The following ECSIT variants were observed in gnomAD, a reference collection of about 807,000 sequenced individuals.
ECSIT encodes the protein evolutionarily conserved signaling intermediate in Toll pathway, mitochondrial.
ECSIT carries 29 observed loss-of-function variants against 36.8 expected under a neutral mutation model. The ratio of observed to expected loss-of-function variants is 0.79; its 90% CI spans 0.59 to 1.08. The LOEUF (loss-of-function observed/expected upper bound fraction) is 1.08. ECSIT is among the 50% of genes least tolerant of loss of function. The pLI is 0.00. For synonymous variants in ECSIT, 231 were observed against 234.8 expected, an observed-to-expected ratio of 0.98 and a Z score of 0.15; for missense variants, 542 against 581.0, an observed-to-expected ratio of 0.93 and a Z score of 0.69.
rs140816082 is a variant in ECSIT, at chr19:11,506,220, G to A, written c.1260C>T (p.Asp420=). The A allele has an allele frequency of 1.0e-5, 16 of 1,607,976 alleles. No individual in the cohort carries two copies. The Middle Eastern group carries it at 8.2e-4, about 83-fold the overall frequency. The change falls in exon 8 of 8, where the codon GAC becomes GAT. Residue 420 remains aspartate, a synonymous_variant. Coordinates refer to ENST00000270517, the MANE Select transcript of ECSIT (RefSeq NM_016581.5). ...CCTGCTGCTGTCGCTGCAGGTTGTC[G>A]TCTTCTTCCTGGTGGTCCTCGGGCA... ...PPLPEDHQEE[D]DNLQRQQQGQ...
intron 4 of ECSIT, among the ~76,000 whole-genome samples, chr19:11,508,556 T>G (rs1400185428): frequency 6.6e-6 from 1 of 151,960 alleles, no homozygotes; most frequent in African/African-American, 2.4e-5. Context: ...TGGCTAATTT[T>G]ATTTTTTTAA....
intron 2 of ECSIT, among the ~76,000 whole-genome samples, chr19:11,516,648 A>G (rs1346661862): frequency 6.6e-6 from 1 of 151,102 alleles, no homozygotes; most frequent in Admixed American, 6.6e-5. Flanking sequence ...GTAAAACCTT[A>G]TCTCTAAAAA....
Position 11,513,093 on chromosome 19 carries a change from A to G in ECSIT, c.701T>C (p.Met234Thr), listed in dbSNP as rs1486737247. Residue 234 changes from methionine (M) to threonine (T), a missense_variant, in exon 4 of 8, where the codon ATG (methionine) becomes ACG (threonine). Met to Thr is a moderately conservative substitution (Grantham distance 81). Coordinates refer to ENST00000270517, the MANE Select transcript of ECSIT (RefSeq NM_016581.5). ...VELAMFGLRH[M>T]EPDLSARVTI... ...GACCCTGGCACTAAGGTCAGGCTCC[A>G]TGTGCCGCAGGCCAAACATGGCCAG... is the stretch of plus-strand genomic sequence containing the variant. The G allele has an allele frequency of 6.2e-7, 1 of 1,614,100 alleles. No homozygotes were observed. Among genetic ancestry groups the G allele is most frequent in the Non-Finnish European group, 8.5e-7 (1 of 1,180,042 alleles).
At chr19:11,518,319 C>T (rs1409915143) in intron 2 of ECSIT, among the ~76,000 whole-genome samples, 6 of 151,982 alleles carry the variant, frequency 3.9e-5, no homozygotes, top group African/African-American at 1.2e-4. Context: ...CACAGCTACT[C>T]GGCAGGCTGA....
At chr19:11,516,594 A>C (rs1179972972) in intron 2 of ECSIT, among the ~76,000 whole-genome samples, 4 of 151,900 alleles carry the variant, frequency 2.6e-5, no homozygotes, top group African/African-American at 9.7e-5. Flanking sequence ...CCCAGGCTGC[A>C]GTGAGCTATG....
At chr19:11,522,444 G>A in intron 1 of ECSIT, 1 of 1,459,110 alleles carries the variant, frequency 6.9e-7, no homozygotes, top group Non-Finnish European at 9.5e-7. Flanking sequence ...ACCAGGTCCT[G>A]CGCCATCAGC....
At chr19:11,523,570 C>T in intron 1 of ECSIT, 1 of 1,041,860 alleles carries the variant, frequency 9.6e-7, no homozygotes, top group Admixed American at 1.8e-5. Context: ...TAGACAAGCG[C>T]CAAGCCCATC....
chr19:11,514,237 A>AC lies in ECSIT; in HGVS notation c.97-17_97-16insG. ...GGCGAGGGACCTGGGGAGGGAGGAGAACTGCTGGAATCTGGCACCTCTCAG... is the reference window on the plus strand; with the variant it reads ...GGCGAGGGACCTGGGGAGGGAGGAGACACTGCTGGAATCTGGCACCTCTCAG... On this transcript the variant is annotated splice_polypyrimidine_tract_variant and intron_variant, in intron 2 of 7. Coordinates refer to ENST00000270517, the MANE Select transcript of ECSIT (RefSeq NM_016581.5). 6.3e-7 allele frequency: 1 copy of AC among 1,587,318 alleles called. No individual in the cohort carries two copies.
At position 11,513,039 on chromosome 19, in the gene ECSIT, T is replaced by C. The variant is rs1359956569; in HGVS notation, c.738+17A>G. 1 of 1,612,640 alleles carries C rather than the reference T, an allele frequency of 6.2e-7. No homozygotes were observed. Among genetic ancestry groups the C allele is most frequent in the Admixed American group, 1.7e-5 (1 of 60,016 alleles). On this transcript the variant is annotated intron_variant, in intron 4 of 7. Transcript: ENST00000270517. ...TGGCCTGGGGTGGCAGCTGACGCTG[T>C]AGACAAGGGCGGATACCTGGTAGAT...
At chr19:11,518,561 C>T (rs927401085) in intron 2 of ECSIT, among the ~76,000 whole-genome samples, 3 of 151,916 alleles carry the variant, frequency 2.0e-5, no homozygotes, top group Non-Finnish European at 2.9e-5. Flanking sequence ...TGTACTCCAG[C>T]CTGGGTGATA....
chr19:11,526,185 G>A (rs918720510), intron 1 of ECSIT, among the ~76,000 whole-genome samples: 1 of 152,070 alleles, frequency 6.6e-6, no homozygotes, highest in Non-Finnish European at 1.5e-5. Flanking sequence ...GACTGGTCTT[G>A]AACTCCTGAC....
intron 1 of ECSIT, chr19:11,523,854 T>TA (rs1255018149): frequency 3.5e-5 from 19 of 537,374 alleles, no homozygotes; most frequent in Admixed American, 3.3e-4. Flanking sequence ...TTGGCTCACA[T>TA]AAAAAAATAA....
intron 2 of ECSIT, among the ~76,000 whole-genome samples, chr19:11,516,703 ACAC>A (rs1426761359): frequency 1.3e-5 from 2 of 151,338 alleles, no homozygotes; most frequent in African/African-American, 4.9e-5. Flanking sequence ...ACACACACAC[ACAC>A]AAAACGCTAA....
At position 11,519,294 on chromosome 19, in the gene ECSIT, A is replaced by G. The variant is rs899309863; in HGVS notation, c.-23-101T>C. On this transcript the variant is annotated intron_variant, in intron 1 of 7. Coordinates refer to ENST00000270517, the MANE Select transcript of ECSIT (RefSeq NM_016581.5). This position sits in a 1 kb window ranked among gnomAD's most constrained non-coding sequence, Gnocchi z 4.4. ...GGGCACACTCCAGATTATGTGGCTC[A>G]CTCACCAGCCCCAATGTTTACCTTA... 1.3e-6 allele frequency: 1 copy of G among 776,024 alleles called. No homozygotes were observed. The highest frequency in any genetic ancestry group is 1.7e-5 in the African/African-American group (1 of 58,528). The allele number at this position is 776,024 out of a possible 1,614,324, so 48.1% of individuals were successfully genotyped here.
At chr19:11,513,691 G>A in intron 3 of ECSIT, 113 bp downstream of exon 3, 1 of 1,286,580 alleles carries the variant, frequency 7.8e-7, no homozygotes, top group East Asian at 2.4e-5. Context: ...AGGGAGAAGA[G>A]CGAGAGAGAC....
Position 11,519,089 on chromosome 19 carries a change from T to C in ECSIT, c.82A>G (p.Thr28Ala). The stretch of plus-strand genomic sequence containing the variant: ...CTGGTGCTTACCTGAGAGATGGAGG[T>C]TCCTGTGAGGGCGGCCCCGCAGGTG... ...GGTCGAALTG[T>A]SISQVPRRLP... is the part of the protein sequence containing the mutation. Residue 28 changes from threonine (T) to alanine (A), a missense_variant, in exon 2 of 8, where the codon ACC (threonine) becomes GCC (alanine). Thr to Ala is a moderately conservative substitution (Grantham distance 58). Coordinates refer to ENST00000270517, the MANE Select transcript of ECSIT (RefSeq NM_016581.5). The surrounding 1 kb of genome is among the most constrained non-coding windows in gnomAD (Gnocchi z 4.4). 1 of 1,551,254 alleles carries C rather than the reference T, an allele frequency of 6.4e-7. No individual in the cohort carries two copies. The highest frequency in any genetic ancestry group is 2.4e-5 in the East Asian group (1 of 40,896).
In ECSIT at chr19:11,505,937, A is replaced by G. The variant is rs1971722007; in HGVS notation, c.*247T>C. On this transcript the variant is annotated 3_prime_UTR_variant, in exon 8 of 8. Coordinates refer to ENST00000270517, the MANE Select transcript of ECSIT (RefSeq NM_016581.5). ...AGAATGGAAACTGCGCATGCGCACA[A>G]CCAACAGCGCTCCCGCCCCTTTTTA... 1 of 887,590 alleles carries G rather than the reference A, an allele frequency of 1.1e-6. No individual in the cohort carries two copies. Among genetic ancestry groups the G allele is most frequent in the Non-Finnish European group, 1.6e-6 (1 of 613,070 alleles). The allele number at this position is 887,590 out of a possible 1,614,324, so 55.0% of individuals were successfully genotyped here. A position where few individuals can be genotyped will look rare whatever the true frequency, so the allele number is the denominator to read the frequency against.
chr19:11,515,387 C>G (rs1481799322), intron 2 of ECSIT, among the ~76,000 whole-genome samples: 1 of 152,092 alleles, frequency 6.6e-6, no homozygotes, highest in Admixed American at 6.6e-5. Flanking sequence ...CAGGCATGAG[C>G]CACCGCGCCC....
In ECSIT at chr19:11,514,194, G is replaced by A; in HGVS notation, c.124C>T (p.His42Tyr). Residue 42 changes from histidine to tyrosine, a missense_variant, in exon 3 of 8, where the codon CAC (histidine) becomes TAC (tyrosine). Coordinates refer to ENST00000270517, the MANE Select transcript of ECSIT (RefSeq NM_016581.5). Reference protein sequence around the residue: ...QVPRRLPRGLHCSAAAHSSEQ... With the variant: ...QVPRRLPRGLYCSAAAHSSEQ... ...GAGCTATGGGCAGCTGCGCTGCAGTGGAGGCCCCGAGGGAGCCGGCGAGGG... is the reference window on the plus strand; with the variant it reads ...GAGCTATGGGCAGCTGCGCTGCAGTAGAGGCCCCGAGGGAGCCGGCGAGGG... 1.8e-5 allele frequency: 29 copies of A among 1,607,736 alleles called. No homozygotes were observed. The highest frequency in any genetic ancestry group is 2.5e-5 in the Non-Finnish European group (29 of 1,176,250).
Sources: gnomAD v4.1 joint callset for allele counts (sites outside exome capture counted in the v4.1 genomes callset) on GRCh38, gnomAD v4.1.1 for gene constraint, Gnocchi (gnomAD v3.1) non-coding constraint, MANE v1.5 for transcripts, NCBI Gene and HGNC (gene_info 2026-07-23, HGNC 2026-07-21) for gene names.